Variants in ALOX5 observed in about 807,000 individuals in gnomAD.
ALOX5 encodes the protein polyunsaturated fatty acid 5-lipoxygenase.
ALOX5 carries 64 observed loss-of-function variants against 87.9 expected under a neutral mutation model. The observed-to-expected ratio is 0.73, with a 90% CI of 0.60 to 0.90. The LOEUF (loss-of-function observed/expected upper bound fraction) is 0.90, where lower values mean the gene tolerates loss of function less well. Ranked by LOEUF, ALOX5 falls within the 40% of genes least tolerant of loss-of-function variation. ALOX5 has a pLI of 0.00. For missense variants in ALOX5, 822 were observed against 907.5 expected, an observed-to-expected ratio of 0.91 and a Z score of 1.21; for synonymous variants, 388 against 355.1, an observed-to-expected ratio of 1.09 and a Z score of -1.04.
intron 2 of ALOX5, among the ~76,000 whole-genome samples, chr10:45,390,935 A>G (rs1353170003): frequency 6.6e-6 from 1 of 152,036 alleles, no homozygotes; most frequent in East Asian, 1.9e-4. Flanking sequence ...CAAAATTGAT[A>G]GACTGCTAGC....
At chr10:45,423,756 G>A (rs1464318530) in intron 4 of ALOX5, among the ~76,000 whole-genome samples, 1 of 152,214 alleles carries the variant, frequency 6.6e-6, no homozygotes, top group Non-Finnish European at 1.5e-5. Flanking sequence ...GGGACTGCAA[G>A]TGCCCGATGA....
intron 7 of ALOX5, among the ~76,000 whole-genome samples, chr10:45,429,167 T>C (rs1008771179): frequency 1.3e-5 from 2 of 151,952 alleles, no homozygotes; most frequent in South Asian, 2.1e-4. Flanking sequence ...CCTTTGATGA[T>C]GATGTGAGTT....
At chr10:45,377,387 G>T (rs1839655170) in intron 1 of ALOX5, among the ~76,000 whole-genome samples, 1 of 141,536 alleles carries the variant, frequency 7.1e-6, no homozygotes, top group African/African-American at 2.7e-5. Context: ...TTCCCTAAAT[G>T]CCCCCCGTTT....
At chr10:45,407,681 G>A (rs575137917) in intron 3 of ALOX5, among the ~76,000 whole-genome samples, 1 of 152,296 alleles carries the variant, frequency 6.6e-6, no homozygotes, top group African/African-American at 2.4e-5. Context: ...ATAAACAAAT[G>A]AGGCAGAGGA....
rs746248416 is a variant in ALOX5, at chr10:45,443,084, C to T, written c.1319C>T (p.Ala440Val). Reference sequence around the variant, plus strand: ...GGGCACGTGCAGATGGTGCAGAGGGCCATGAAGGACCTGACCTATGCCTCC... The same window carrying T: ...GGGCACGTGCAGATGGTGCAGAGGGTCATGAAGGACCTGACCTATGCCTCC... ...GGGHVQMVQR[A>V]MKDLTYASLC... The change falls in exon 10 of 14, where the codon GCC becomes GTC. Residue 440 changes from alanine to valine, a missense_variant. Physicochemically the swap from Ala to Val is moderately conservative, Grantham distance 64. Coordinates refer to ENST00000374391, the MANE Select transcript of ALOX5 (RefSeq NM_000698.5). 1 of 1,613,738 alleles carries T rather than the reference C, an allele frequency of 6.2e-7. No individual in the cohort carries two copies. Among genetic ancestry groups the T allele is most frequent in the African/African-American group, 1.3e-5 (1 of 75,058 alleles).
intron 2 of ALOX5, among the ~76,000 whole-genome samples, chr10:45,390,760 C>T (rs1205530015): frequency 1.3e-5 from 2 of 152,024 alleles, no homozygotes; most frequent in Non-Finnish European, 2.9e-5. Flanking sequence ...AAATTGACAC[C>T]CTAACATCAC....
intron 7 of ALOX5, among the ~76,000 whole-genome samples, chr10:45,430,449 G>A (rs760267126): frequency 1.3e-4 from 20 of 151,868 alleles, no homozygotes; most frequent in Non-Finnish European, 1.3e-4. Context: ...TGCAAGATTC[G>A]GAATAAAAAA....
intron 2 of ALOX5, among the ~76,000 whole-genome samples, chr10:45,395,333 C>G (rs910622576): frequency 6.6e-6 from 1 of 152,098 alleles, no homozygotes; most frequent in Non-Finnish European, 1.5e-5. Context: ...GGAAATCACC[C>G]TTCTCAGCAA....
chr10:45,430,990 C>T (rs967027716), intron 7 of ALOX5, among the ~76,000 whole-genome samples: 5 of 152,116 alleles, frequency 3.3e-5, no homozygotes, highest in African/African-American at 4.8e-5. Flanking sequence ...GTGATATTAG[C>T]GAAGTGAGTG....
chr10:45,386,943 A>C (rs962404200), intron 2 of ALOX5, among the ~76,000 whole-genome samples: 2 of 152,178 alleles, frequency 1.3e-5, no homozygotes, highest in Admixed American at 6.5e-5. Flanking sequence ...ACAGGCTGAG[A>C]GATAAGATGC....
Position 45,445,610 on chromosome 10 carries a change from G to A in ALOX5, c.1948G>A (p.Ala650Thr), listed in dbSNP as rs774348612. ...KNLEAIVSVIAERNKKKQLPY... is the reference protein window; with the variant it reads ...KNLEAIVSVITERNKKKQLPY... The stretch of plus-strand genomic sequence containing the variant: ...CCTCGAGGCCATTGTCAGCGTGATT[G>A]CTGAGCGCAACAAGAAGAAGCAGCT... Residue 650 changes from alanine (A) to threonine (T), a missense_variant, in exon 14 of 14, where the codon GCT (alanine) becomes ACT (threonine). Physicochemically the swap from Ala to Thr is moderately conservative, Grantham distance 58. Transcript: ENST00000374391. 19 of 1,614,156 alleles carry A rather than the reference G, an allele frequency of 1.2e-5. No individual in the cohort carries two copies. The highest frequency in any genetic ancestry group is 1.7e-5 in the Admixed American group (1 of 60,022).
chr10:45,401,365 A>G (rs888086330), intron 3 of ALOX5, among the ~76,000 whole-genome samples: 1 of 152,220 alleles, frequency 6.6e-6, no homozygotes, highest in Non-Finnish European at 1.5e-5. Context: ...TAACTCAAAA[A>G]AGTAAAAGAA....
intron 1 of ALOX5, among the ~76,000 whole-genome samples, chr10:45,378,509 G>A (rs1839708488): frequency 6.6e-6 from 1 of 152,206 alleles, no homozygotes; most frequent in Non-Finnish European, 1.5e-5. Context: ...AATTCAGTGT[G>A]TCACCTGAGA....
chr10:45,433,297 G>GGAGCAAGGTCAGAGCTTCGGCCAGCACCA, intron 7 of ALOX5, among the ~76,000 whole-genome samples: 1 of 152,174 alleles, frequency 6.6e-6, no homozygotes, highest in African/African-American at 2.4e-5. Context: ...GGCCAGCACC[G>GGAGCAAGGTCAGAGCTTCGGCCAGCACCA]GAGCAGATCC....
chr10:45,396,170 T>C (rs1407422898), intron 3 of ALOX5, among the ~76,000 whole-genome samples: 1 of 152,210 alleles, frequency 6.6e-6, no homozygotes, highest in African/African-American at 2.4e-5. Context: ...TATTGGCATG[T>C]AGGAAGAATG....
chr10:45,406,378 A>T (rs770529142), intron 3 of ALOX5, among the ~76,000 whole-genome samples: 1 of 152,238 alleles, frequency 6.6e-6, no homozygotes, highest in Non-Finnish European at 1.5e-5. Context: ...ATAACTTTCT[A>T]ATAAATGTTA....
At chr10:45,377,713 G>A (rs1839674367) in intron 1 of ALOX5, among the ~76,000 whole-genome samples, 2 of 152,022 alleles carry the variant, frequency 1.3e-5, no homozygotes, top group Admixed American at 1.3e-4. Context: ...CCTCCAAGAT[G>A]GGTAGTCTGG....
chr10:45,390,173 G>C (rs1840164280), intron 2 of ALOX5, among the ~76,000 whole-genome samples: 1 of 152,206 alleles, frequency 6.6e-6, no homozygotes, highest in Non-Finnish European at 1.5e-5. Flanking sequence ...CAATACAGGA[G>C]CACCCAGATT....
At chr10:45,428,186 C>A (rs1841796849) in intron 6 of ALOX5, among the ~76,000 whole-genome samples, 1 of 150,222 alleles carries the variant, frequency 6.7e-6, no homozygotes, top group Admixed American at 6.6e-5. Context: ...CTGTCTCTTC[C>A]TCCCAAGGGA....
Sources: allele counts gnomAD v4.1 joint callset (sites outside exome capture counted in the v4.1 genomes callset), GRCh38; gene constraint gnomAD v4.1.1; transcripts MANE v1.5; gene names NCBI Gene and HGNC (gene_info 2026-07-23, HGNC 2026-07-21).